CTDP1: variants seen among roughly 807,000 people sequenced by gnomAD.
CTDP1 encodes the protein RNA polymerase II subunit A C-terminal domain phosphatase.
CTDP1 carries 47 observed loss-of-function variants against 91.8 expected under a neutral mutation model. The observed-to-expected ratio is 0.51, with a 90% CI of 0.41 to 0.65. The LOEUF (loss-of-function observed/expected upper bound fraction) is 0.65. Ranked by LOEUF, CTDP1 falls within the 30% of genes least tolerant of loss-of-function variation. The probability of loss-of-function intolerance (pLI) is 0.00; values close to 1 mark genes in which losing one functional copy is unlikely to be tolerated. For missense variants in CTDP1, 1,272 were observed against 1,373.7 expected (o/e 0.93, Z 1.17); for synonymous variants, 656 against 598.5 (o/e 1.10, Z -1.40).
chr18:79,748,882 G>T (rs939871208), intron 12 of CTDP1, among the ~76,000 whole-genome samples: 1 of 76,566 alleles, frequency 1.3e-5, no homozygotes, highest in Non-Finnish European at 3.7e-5. Flanking sequence ...TGTGTTTGCC[G>T]TGTCTGTGTG....
At chr18:79,704,548 T>G (rs2085925964) in intron 4 of CTDP1, among the ~76,000 whole-genome samples, 1 of 152,028 alleles carries the variant, frequency 6.6e-6, no homozygotes, top group Non-Finnish European at 1.5e-5. Flanking sequence ...ACGTGTATCC[T>G]CTGTCCCATG....
chr18:79,678,851 G>T (rs796790166), upstream of CTDP1: 1 of 156,604 alleles, frequency 6.4e-6, no homozygotes, highest in African/African-American at 2.4e-5. Flanking sequence ...AAGTATTAAT[G>T]AATCTGTTTT....
chr18:79,720,767 C>G (rs2086328626), intron 10 of CTDP1, among the ~76,000 whole-genome samples: 1 of 152,160 alleles, frequency 6.6e-6, no homozygotes, highest in Non-Finnish European at 1.5e-5. Flanking sequence ...CAGTTTGTTT[C>G]TGACGCTGAC....
At chr18:79,696,809 C>T (rs542687160) in intron 3 of CTDP1, among the ~76,000 whole-genome samples, 3 of 152,278 alleles carry the variant, frequency 2.0e-5, no homozygotes, top group South Asian at 2.1e-4. Context: ...TCAGCGGCTC[C>T]GGGCACCTCC....
Position 79,679,958 on chromosome 18 carries a change from C to A in CTDP1, c.11C>A (p.Pro4Gln), listed in dbSNP as rs1599170973. ...CGCCCTCTGTCCGCGATGGAGGTGCCGGCCGCGGGTCGCGTTCCTGCCGAG... is the reference window on the plus strand; with the variant it reads ...CGCCCTCTGTCCGCGATGGAGGTGCAGGCCGCGGGTCGCGTTCCTGCCGAG... The part of the protein sequence containing the change: MEV[P>Q]AAGRVPAEGA... Residue 4 changes from proline to glutamine, a missense_variant, in exon 1 of 13, where the codon CCG becomes CAG. By Grantham distance (76) the Pro-to-Gln change is moderately conservative. Around this residue, in one of 3 missense-constraint regions of CTDP1, gnomAD observed 214 missense variants for 179.1 expected, o/e 1.19. Transcript: ENST00000613122. 4 of 1,380,068 alleles carry A rather than the reference C, an allele frequency of 2.9e-6. No individual in the cohort carries two copies. Among genetic ancestry groups the A allele is most frequent in the East Asian group, 3.3e-5 (1 of 30,360 alleles). The allele number at this position is 1,380,068 out of a possible 1,614,324, so 85.5% of individuals were successfully genotyped here.
At position 79,708,055 on chromosome 18, in the gene CTDP1, C is replaced by T. The variant is rs564414182; in HGVS notation, c.773-2291C>T. On this transcript the variant is annotated intron_variant, in intron 5 of 12. Coordinates refer to ENST00000613122, the MANE Select transcript of CTDP1 (RefSeq NM_004715.5). ...GTGAGAAACAATCGCATTTATTTCT[C>T]CTTTAAGCCCAAGTATCTTTTGGTT... Among the ~76,000 whole-genome samples, 5 of 152,174 alleles carry T rather than the reference C, an allele frequency of 3.3e-5. No homozygotes were observed. The South Asian group carries it at 6.2e-4, about 19-fold the overall frequency.
intron 10 of CTDP1, among the ~76,000 whole-genome samples, chr18:79,718,251 T>C (rs2086262791): frequency 6.6e-6 from 1 of 152,134 alleles, no homozygotes; most frequent in African/African-American, 2.4e-5. Flanking sequence ...CATCAGCTTC[T>C]CAGATGTTGT....
rs1434273990 is a variant in CTDP1, at chr18:79,713,083, C to T, written c.975C>T (p.Gly325=). Residue 325 remains glycine, a synonymous_variant, in exon 7 of 13, where the codon GGC becomes GGT. Transcript: ENST00000613122. The surrounding 1 kb of genome is among the most constrained non-coding windows in gnomAD (Gnocchi z 4.7). The part of the protein sequence containing the change: ...ITVKKYVYFQ[G]TGDMNAPPGS... ...TGAAGAAATATGTATACTTCCAGGG[C>T]ACGGGTGATATGAATGCGCCCCCTG... 1.9e-6 allele frequency: 3 copies of T among 1,614,114 alleles called. No individual in the cohort carries two copies. Among genetic ancestry groups the T allele is most frequent in the South Asian group, 2.2e-5 (2 of 91,068 alleles).
chr18:79,733,603 G>C (rs879783552), intron 11 of CTDP1, among the ~76,000 whole-genome samples: 22 of 149,652 alleles, frequency 1.5e-4, no homozygotes, highest in African/African-American at 5.4e-4. Context: ...TCGTTTCTGC[G>C]TGTTCTGCTG....
Position 79,696,012 on chromosome 18 carries a change from T to C in CTDP1, c.434T>C (p.Leu145Pro), listed in dbSNP as rs538125122. The C allele has an allele frequency of 1.2e-4, 193 of 1,612,742 alleles. 1 individual carries two copies. The South Asian group carries it at 2.0e-3, about 17-fold the overall frequency. The change falls in exon 3 of 13, where the codon CTG (leucine) becomes CCG (proline). Residue 145 changes from leucine (L) to proline (P), a missense_variant. Leu to Pro is a moderately conservative substitution (Grantham distance 98). Coordinates refer to ENST00000613122, the MANE Select transcript of CTDP1 (RefSeq NM_004715.5). ...QSKNGKQQVP[L>P]STATVSMVHS... ...AAGAACGGGAAGCAGCAGGTGCCGC[T>C]GTCCACGGCGACCGTGTCCATGGTG...
intron 10 of CTDP1, among the ~76,000 whole-genome samples, chr18:79,722,633 G>C (rs911596599): frequency 1.3e-5 from 2 of 152,186 alleles, no homozygotes; most frequent in African/African-American, 4.8e-5. Context: ...GTCACGTTAA[G>C]GAAATGTCTC....
chr18:79,693,562 C>T (rs2085667165), intron 1 of CTDP1, among the ~76,000 whole-genome samples: 1 of 152,140 alleles, frequency 6.6e-6, no homozygotes, highest in African/African-American at 2.4e-5. Flanking sequence ...GACGAGATGT[C>T]TTGGGGATGG....
chr18:79,724,869 C>G lies in CTDP1; in HGVS notation c.2418-4038C>G, dbSNP rs189048219. Among the ~76,000 whole-genome samples the G allele has an allele frequency of 3.2e-4, 48 of 152,316 alleles. No homozygotes were observed. The East Asian group carries it at 8.3e-3, about 26-fold the overall frequency. On this transcript the variant is annotated intron_variant, in intron 10 of 12. Coordinates refer to ENST00000613122, the MANE Select transcript of CTDP1 (RefSeq NM_004715.5). ...TTTTCTGGCCCCAGCCGCATTGTCG[C>G]CGGCGCCGTCCTCCCTCCATGGCTG...
At chr18:79,731,491 C>T (rs2086565851) in intron 11 of CTDP1, among the ~76,000 whole-genome samples, 1 of 152,144 alleles carries the variant, frequency 6.6e-6, no homozygotes, top group Non-Finnish European at 1.5e-5. Flanking sequence ...GAATGTGTGC[C>T]CAGTTCCTTG....
chr18:79,701,565 ATAAAT>A (rs1568184009), intron 4 of CTDP1, among the ~76,000 whole-genome samples: 2 of 143,640 alleles, frequency 1.4e-5, no homozygotes, highest in African/African-American at 2.8e-5. Context: ...AAATAAATAA[ATAAAT>A]AAAAGAGCTA....
At chr18:79,736,811 TGGG>T (rs1367450305) in intron 12 of CTDP1, among the ~76,000 whole-genome samples, 13 of 144,680 alleles carry the variant, frequency 9.0e-5, no homozygotes, top group Non-Finnish European at 2.0e-4. Flanking sequence ...AGGCGTGTGG[TGGG>T]GGTATGCACG....
At chr18:79,694,546 CG>C (rs2085706625) in intron 1 of CTDP1, among the ~76,000 whole-genome samples, 1 of 133,274 alleles carries the variant, frequency 7.5e-6, no homozygotes, top group African/African-American at 2.9e-5. Context: ...GTGGGGGCTG[CG>C]GACACCTAGG....
chr18:79,746,356 C>T (rs2086881879), intron 12 of CTDP1, among the ~76,000 whole-genome samples: 1 of 148,806 alleles, frequency 6.7e-6, no homozygotes, highest in Non-Finnish European at 1.5e-5. Context: ...TCTGACCCTG[C>T]GTCCCTCCCA....
intron 10 of CTDP1, among the ~76,000 whole-genome samples, chr18:79,718,472 A>G (rs999046733): frequency 2.0e-5 from 3 of 152,182 alleles, no homozygotes; most frequent in African/African-American, 7.2e-5. Context: ...GGTTGGTGGC[A>G]GTGGCGGCTG....
Sources: gnomAD v4.1 joint callset for allele counts (sites outside exome capture counted in the v4.1 genomes callset) on GRCh38, gnomAD v4.1.1 for gene constraint, gnomAD v4.1.1 regional missense constraint, Gnocchi (gnomAD v3.1) non-coding constraint, MANE v1.5 for transcripts, NCBI Gene and HGNC (gene_info 2026-07-23, HGNC 2026-07-21) for gene names.